WIPF3: variants seen among roughly 807,000 people sequenced by gnomAD.
The protein encoded by WIPF3 is WAS/WASL interacting protein family member 3.
Under a neutral mutation model 38.9 loss-of-function variants are expected in WIPF3, and 33 were observed. The ratio of observed to expected loss-of-function variants is 0.85; its 90% CI spans 0.64 to 1.14. WIPF3 has a LOEUF of 1.14. Among genes scored for constraint, WIPF3 ranks in the 50% most tolerant of loss-of-function variants. The pLI is 0.00. For synonymous variants in WIPF3, 324 were observed against 269.3 expected, an observed-to-expected ratio of 1.20 and a Z score of -1.99; for missense variants, 711 against 652.5, an observed-to-expected ratio of 1.09 and a Z score of -0.98.
At chr7:29,864,050 T>A (rs1785345898) in intron 2 of WIPF3, among the ~76,000 whole-genome samples, 1 of 152,258 alleles carries the variant, frequency 6.6e-6, no homozygotes, top group African/African-American at 2.4e-5. Context: ...TTGTACTTGC[T>A]AGAATTTCCA....
chr7:29,857,236 G>A (rs1785200334), intron 2 of WIPF3, among the ~76,000 whole-genome samples: 1 of 152,050 alleles, frequency 6.6e-6, no homozygotes, highest in African/African-American at 2.4e-5. Context: ...CCCAACCTGT[G>A]ACATAGGGTA....
intron 8 of WIPF3, among the ~76,000 whole-genome samples, chr7:29,907,572 T>C (rs911647829): frequency 2.6e-5 from 4 of 151,998 alleles, no homozygotes; most frequent in African/African-American, 7.2e-5. Flanking sequence ...GGGGAGGTGA[T>C]AAACCATGAG....
At position 29,883,880 on chromosome 7, in the gene WIPF3, G is replaced by T; in HGVS notation, c.386G>T (p.Arg129Leu). 1 of 1,566,608 alleles carries T rather than the reference G, an allele frequency of 6.4e-7. No individual in the cohort carries two copies. The highest frequency in any genetic ancestry group is 8.7e-7 in the Non-Finnish European group (1 of 1,152,962). The change falls in exon 5 of 9, where the codon CGC becomes CTC. Residue 129 changes from arginine to leucine, a missense_variant. Coordinates refer to ENST00000242140, the MANE Select transcript of WIPF3 (RefSeq NM_001080529.3). Reference protein sequence around the residue: ...GGKTGQGPGSRAPSPRLPNKT... With the variant: ...GGKTGQGPGSLAPSPRLPNKT... The stretch of plus-strand genomic sequence containing the variant: ...AAGACAGGGCAGGGCCCTGGCTCCC[G>T]CGCGCCCTCTCCCAGGCTTCCCAAC...
intron 1 of WIPF3, among the ~76,000 whole-genome samples, chr7:29,818,285 C>T (rs1455779596): frequency 1.3e-5 from 2 of 151,840 alleles, no homozygotes; most frequent in Non-Finnish European, 2.9e-5. Flanking sequence ...AAACCCCCAT[C>T]TCTACTAAAT....
Position 29,884,177 on chromosome 7 carries a change from C to G in WIPF3, c.683C>G (p.Pro228Arg). The change falls in exon 5 of 9, where the codon CCG becomes CGG. Residue 228 changes from proline (P) to arginine (R), a missense_variant. Pro to Arg is a moderately radical substitution (Grantham distance 103, BLOSUM62 -2). Coordinates refer to ENST00000242140, the MANE Select transcript of WIPF3 (RefSeq NM_001080529.3). ...PVPCAPPPPP[P>R]PPPPTPPPLP... is the part of the protein sequence containing the mutation. ...CCCTGTGCGCCACCACCTCCACCTC[C>G]GCCACCTCCCCCAACGCCACCCCCG... The G allele has an allele frequency of 6.6e-7, 1 of 1,525,112 alleles. No individual in the cohort carries two copies. Among genetic ancestry groups the G allele is most frequent in the South Asian group, 1.2e-5 (1 of 81,162 alleles). 94.5% of individuals were successfully genotyped at this position (1,525,112 alleles called of 1,614,324 possible).
In WIPF3 at chr7:29,884,128, C is replaced by T. The variant is rs1296777995; in HGVS notation, c.634C>T (p.Leu212Phe). ...ACCCGGCCCACTGACCAAAGGGAAC[C>T]TCCCGGTGGTTGCACCCCCCGTCCC... ...SPPGPLTKGN[L>F]PVVAPPVPCA... The change falls in exon 5 of 9, where the codon CTC (leucine) becomes TTC (phenylalanine). Residue 212 changes from leucine to phenylalanine, a missense_variant. Transcript: ENST00000242140. The T allele has an allele frequency of 2.6e-6, 4 of 1,534,424 alleles. No individual in the cohort carries two copies. In the African/African-American group the frequency reaches 4.2e-5, roughly 16 times the overall value.
chr7:29,876,201 A>G (rs1785593772), intron 3 of WIPF3, among the ~76,000 whole-genome samples: 1 of 152,288 alleles, frequency 6.6e-6, no homozygotes, highest in East Asian at 1.9e-4. Context: ...CAACTCTGCA[A>G]TGGGACACCT....
At chr7:29,871,353 C>A (rs1785493840) in intron 2 of WIPF3, among the ~76,000 whole-genome samples, 1 of 152,126 alleles carries the variant, frequency 6.6e-6, no homozygotes, top group Non-Finnish European at 1.5e-5. Context: ...CAGGGGTAGG[C>A]TGAGGGCTGG....
intron 2 of WIPF3, among the ~76,000 whole-genome samples, chr7:29,855,660 C>T (rs1785175132): frequency 6.6e-6 from 1 of 152,172 alleles, no homozygotes; most frequent in African/African-American, 2.4e-5. Context: ...CGAGCAGACC[C>T]AGGGTTAGCC....
At chr7:29,822,520 G>C (rs1328514451) in intron 1 of WIPF3, among the ~76,000 whole-genome samples, 1 of 152,174 alleles carries the variant, frequency 6.6e-6, no homozygotes, top group South Asian at 2.1e-4. Context: ...GTGGGTCTAG[G>C]GTCTAAGATC....
At chr7:29,882,145 A>T (rs1583617269) in intron 4 of WIPF3, among the ~76,000 whole-genome samples, 4 of 152,334 alleles carry the variant, frequency 2.6e-5, no homozygotes, top group Admixed American at 2.6e-4. Context: ...TCAACACAGG[A>T]TCCCCTACTT....
chr7:29,818,150 A>G (rs974096353), intron 1 of WIPF3, among the ~76,000 whole-genome samples: 1 of 152,128 alleles, frequency 6.6e-6, no homozygotes, highest in African/African-American at 2.4e-5. Context: ...AAATTATCTT[A>G]TTAATTAAAA....
At chr7:29,861,485 C>A (rs1785274101) in intron 2 of WIPF3, among the ~76,000 whole-genome samples, 1 of 152,228 alleles carries the variant, frequency 6.6e-6, no homozygotes, top group South Asian at 2.1e-4. Context: ...TCCTGCCTTC[C>A]TGCCTCCTTT....
At chr7:29,899,222 CCAT>C (rs1315379061) in intron 7 of WIPF3, among the ~76,000 whole-genome samples, 2 of 152,188 alleles carry the variant, frequency 1.3e-5, no homozygotes. Flanking sequence ...CCTCCAAATA[CCAT>C]CATACTGGGG....
chr7:29,897,318 C>T (rs1786167203), intron 7 of WIPF3, among the ~76,000 whole-genome samples: 1 of 152,194 alleles, frequency 6.6e-6, no homozygotes, highest in Non-Finnish European at 1.5e-5. Flanking sequence ...CAAGTCCCTG[C>T]TTTCAATACC....
chr7:29,871,336 T>C (rs1209333794), intron 2 of WIPF3, among the ~76,000 whole-genome samples: 1 of 152,150 alleles, frequency 6.6e-6, no homozygotes, highest in Non-Finnish European at 1.5e-5. Context: ...CCCCAAGTTT[T>C]AGGAGACAGG....
intron 1 of WIPF3, among the ~76,000 whole-genome samples, chr7:29,811,948 C>G (rs1182140596): frequency 6.6e-6 from 1 of 152,190 alleles, no homozygotes; most frequent in Non-Finnish European, 1.5e-5. Context: ...TCTTTAAGAA[C>G]TTTGGCTCTG....
chr7:29,851,074 C>G (rs541696422), intron 2 of WIPF3, among the ~76,000 whole-genome samples: 2 of 152,306 alleles, frequency 1.3e-5, no homozygotes, highest in African/African-American at 4.8e-5. Context: ...GGTGCTCAGC[C>G]TCACTGAGTT....
chr7:29,842,604 C>A (rs1562775391), intron 2 of WIPF3, among the ~76,000 whole-genome samples: 1 of 152,124 alleles, frequency 6.6e-6, no homozygotes, highest in Non-Finnish European at 1.5e-5. Context: ...TAAGCTGTGA[C>A]ATATATTGGG....
Sources: gnomAD v4.1 joint callset for allele counts (sites outside exome capture counted in the v4.1 genomes callset) on GRCh38, gnomAD v4.1.1 for gene constraint, MANE v1.5 for transcripts, NCBI Gene and HGNC (gene_info 2026-07-23, HGNC 2026-07-21) for gene names.